SIN3A: variants seen among roughly 807,000 people sequenced by gnomAD.
The protein encoded by SIN3A is SIN3 transcription regulator family member A, also known as paired amphipathic helix protein Sin3a.
A neutral mutation model predicts 146.1 loss-of-function variants in SIN3A; 14 were observed. The ratio of observed to expected loss-of-function variants is 0.10; its 90% CI spans 0.06 to 0.15. The LOEUF is 0.15. SIN3A is among the 10% of genes least tolerant of loss of function. The pLI is 1.00. For missense variants in SIN3A, 1,028 were observed against 1,576.0 expected (o/e 0.65, Z 5.89); for synonymous variants, 572 against 572.0 (o/e 1.00, Z 0.00).
chr15:75,433,218 CTCTA>C (rs781703589), intron 1 of SIN3A, among the ~76,000 whole-genome samples: 11 of 152,142 alleles, frequency 7.2e-5, no homozygotes, highest in South Asian at 2.1e-4. Context: ...CTACTCCAAA[CTCTA>C]TCTACCATGA....
upstream of SIN3A, chr15:75,455,146 C>T (rs1455509018): frequency 1.3e-5 from 2 of 152,082 alleles, no homozygotes; most frequent in South Asian, 2.1e-4. Flanking sequence ...CGCCCACCGC[C>T]CCCTCCAAGT....
intron 2 of SIN3A, among the ~76,000 whole-genome samples, chr15:75,426,688 G>T (rs906762785): frequency 6.6e-6 from 1 of 152,206 alleles, no homozygotes; most frequent in Non-Finnish European, 1.5e-5. Context: ...CTAGCAGTTT[G>T]GGAGGCCGAG....
chr15:75,401,788 C>G, intron 10 of SIN3A, 64 bp downstream of exon 10: 1 of 1,001,490 alleles, frequency 1.0e-6, no homozygotes, highest in Non-Finnish European at 1.6e-6. Flanking sequence ...CATATACTCT[C>G]ACAAATCAAA....
At chr15:75,448,175 TAAAAAAA>T (rs59766455) in intron 1 of SIN3A, 51,566 of 133,968 alleles carry the variant, frequency 0.38, 10,148 homozygotes, top group African/African-American at 0.57. Context: ...AGACTTCGTC[TAAAAAAA>T]AAAAAAAAAA....
chr15:75,382,533 T>C (rs575383265), intron 17 of SIN3A, among the ~76,000 whole-genome samples: 36 of 152,260 alleles, frequency 2.4e-4, no homozygotes, highest in Non-Finnish European at 4.4e-4. Context: ...TGGTGAAAAA[T>C]TGGAAACAAC....
At chr15:75,396,188 C>A in intron 13 of SIN3A, 70 bp downstream of exon 13, 1 of 1,096,060 alleles carries the variant, frequency 9.1e-7, no homozygotes, top group East Asian at 2.4e-5. Flanking sequence ...AAAATGAGAG[C>A]CTTATTTAAT....
At position 75,392,319 on chromosome 15, in the gene SIN3A, T is replaced by A; in HGVS notation, c.2774A>T (p.Glu925Val). Residue 925 changes from glutamate (E) to valine (V), a missense_variant, in exon 15 of 21, where the codon GAA (glutamate) becomes GTA (valine). Around this residue, in one of 9 missense-constraint regions of SIN3A, gnomAD observed 488 missense variants for 690.2 expected, o/e 0.71. Coordinates refer to ENST00000394947, the MANE Select transcript of SIN3A (RefSeq NM_001145358.2). Reference protein sequence around the residue: ...RQIEEENREREWEREVLGIKR... With the variant: ...RQIEEENRERVWEREVLGIKR... ...TATGCCCAGCACTTCCCGTTCCCAT[T>A]CTCTCTCTCGGTTTTCTTCTTCAAT... The A allele has an allele frequency of 6.2e-7, 1 of 1,614,162 alleles. No homozygotes were observed. The highest frequency in any genetic ancestry group is 8.5e-7 in the Non-Finnish European group (1 of 1,180,020).
chr15:75,407,891 T>TAA (rs2073547461), intron 8 of SIN3A, among the ~76,000 whole-genome samples: 1 of 22,106 alleles, frequency 4.5e-5, no homozygotes, highest in Non-Finnish European at 7.6e-5. Context: ...AGACTCCATC[T>TAA]CAAAAAAAAA....
At chr15:75,438,932 G>C (rs2074152606) in intron 1 of SIN3A, among the ~76,000 whole-genome samples, 1 of 152,090 alleles carries the variant, frequency 6.6e-6, no homozygotes, top group African/African-American at 2.4e-5. Context: ...TTTTAAATCT[G>C]CTAAGAAAGA....
At position 75,434,523 on chromosome 15, in the gene SIN3A, G is replaced by A. The variant is rs147800395; in HGVS notation, c.-33-4115C>T. On this transcript the variant is annotated intron_variant, in intron 1 of 20. Coordinates refer to ENST00000394947, the MANE Select transcript of SIN3A (RefSeq NM_001145358.2). Reference sequence around the variant, plus strand: ...AAATTAGCCGGGTGTGGTTGTGGGCGCCTGTAATCCCAGCTACTCAGGAGG... The same window carrying A: ...AAATTAGCCGGGTGTGGTTGTGGGCACCTGTAATCCCAGCTACTCAGGAGG... Among the ~76,000 whole-genome samples, 747 of 152,050 alleles carry A rather than the reference G, an allele frequency of 4.9e-3. 6 individuals are homozygous for A. The highest frequency in any genetic ancestry group is 0.018 in the African/African-American group (726 of 41,482).
At chr15:75,379,735 A>C (rs541922098) in intron 19 of SIN3A, among the ~76,000 whole-genome samples, 1 of 152,238 alleles carries the variant, frequency 6.6e-6, no homozygotes, top group Non-Finnish European at 1.5e-5. Context: ...TTTCAATTCA[A>C]AACTTTTAGG....
intron 1 of SIN3A, among the ~76,000 whole-genome samples, chr15:75,442,608 T>A: frequency 8.2e-6 from 1 of 121,242 alleles, no homozygotes; most frequent in African/African-American, 3.4e-5. Flanking sequence ...GTGAGATAGA[T>A]CCCATCTTTA....
intron 9 of SIN3A, among the ~76,000 whole-genome samples, chr15:75,403,320 C>G (rs2073447438): frequency 6.6e-6 from 1 of 151,704 alleles, no homozygotes; most frequent in East Asian, 2.0e-4. Context: ...GTCCCAGTGA[C>G]TCAGGAGGCT....
chr15:75,411,747 G>A lies in SIN3A; in HGVS notation c.757-4C>T, dbSNP rs775133635. Reference sequence around the variant, plus strand: ...TATGTGCTTGCAGTTGGGAGGGCTAGAAAGAAAAGAAATCTTTATTCTCTT... The same window carrying A: ...TATGTGCTTGCAGTTGGGAGGGCTAAAAAGAAAAGAAATCTTTATTCTCTT... On this transcript the variant is annotated splice_region_variant and splice_polypyrimidine_tract_variant and intron_variant, in intron 5 of 20. Coordinates refer to ENST00000394947, the MANE Select transcript of SIN3A (RefSeq NM_001145358.2). The A allele has an allele frequency of 6.4e-7, 1 of 1,573,618 alleles. No homozygotes were observed. Among genetic ancestry groups the A allele is most frequent in the South Asian group, 1.2e-5 (1 of 84,786 alleles).
At position 75,387,501 on chromosome 15, in the gene SIN3A, GAAA is replaced by G. The variant is rs34479080; in HGVS notation, c.3021+2148_3021+2150del. On this transcript the variant is annotated intron_variant, in intron 16 of 20. Transcript: ENST00000394947. ...GGCAATAGAGTGAGACCCTGGGTTG[GAAA>G]AAAAAAAAAAAAAAAAGTCACTGTT... Among the ~76,000 whole-genome samples the G allele has an allele frequency of 8.3e-3, 833 of 100,268 alleles. 23 individuals carry two copies. In the East Asian group the frequency reaches 0.12, roughly 15 times the overall value. The allele number at this position is 100,268 out of a possible 152,430, so 65.8% of individuals were successfully genotyped here.
intron 3 of SIN3A, chr15:75,421,933 A>G (rs1044851195): frequency 1.3e-5 from 2 of 151,990 alleles, no homozygotes; most frequent in African/African-American, 4.8e-5. Context: ...GAAAATATGA[A>G]AACACTGATA....
intron 1 of SIN3A, among the ~76,000 whole-genome samples, chr15:75,444,485 G>T (rs2074270216): frequency 6.6e-6 from 1 of 151,898 alleles, no homozygotes; most frequent in South Asian, 2.1e-4. Flanking sequence ...TTGCTGTTTT[G>T]AAGACCTCCA....
intron 6 of SIN3A, 49 bp from the exon 7 acceptor site, chr15:75,410,335 C>T: frequency 1.9e-6 from 3 of 1,576,868 alleles, no homozygotes; most frequent in Non-Finnish European, 2.6e-6. Flanking sequence ...TGTTTTGAGT[C>T]ACTCATCTTT....
intron 2 of SIN3A, 152 bp downstream of exon 2, chr15:75,430,035 C>T (rs1000454794): frequency 1.6e-6 from 1 of 630,852 alleles, no homozygotes; most frequent in Admixed American, 3.1e-5. Flanking sequence ...TTTTTAAAAA[C>T]TTGTATGGTG....
Sources: gnomAD v4.1 joint callset for allele counts (sites outside exome capture counted in the v4.1 genomes callset) on GRCh38, gnomAD v4.1.1 for gene constraint, gnomAD v4.1.1 regional missense constraint, MANE v1.5 for transcripts, NCBI Gene and HGNC (gene_info 2026-07-23, HGNC 2026-07-21) for gene names.